AREG: variants seen among roughly 807,000 people sequenced by gnomAD.
The protein encoded by AREG is amphiregulin B.
In AREG, 16 loss-of-function variants were observed where a neutral mutation model predicts 28.0. That is an observed-to-expected ratio of 0.57 (90% confidence interval 0.39 to 0.87). The LOEUF (loss-of-function observed/expected upper bound fraction) is 0.87. AREG is among the 40% of genes least tolerant of loss of function. The pLI is 0.00. For missense variants in AREG, 287 were observed against 309.1 expected, an observed-to-expected ratio of 0.93 and a Z score of 0.53; for synonymous variants, 113 against 113.5, an observed-to-expected ratio of 1.00 and a Z score of 0.02.
chr4:74,452,513 T>C (rs1719395945), intron 4 of AREG, 31 bp from the exon 5 acceptor site: 2 of 1,612,834 alleles, frequency 1.2e-6, no homozygotes, highest in Non-Finnish European at 1.7e-6. Context: ...AATAGAACCT[T>C]GATAACATTA....
chr4:74,448,614 T>C (rs1719329800), intron 2 of AREG: 1 of 167,680 alleles, frequency 6.0e-6, no homozygotes, highest in Non-Finnish European at 1.3e-5. Flanking sequence ...AACAAAAGTT[T>C]CTGTGGATCA....
At position 74,445,162 on chromosome 4, in the gene AREG, GC is replaced by G; in HGVS notation, c.-180del. On this transcript the variant is annotated 5_prime_UTR_variant, in exon 1 of 6. Coordinates refer to ENST00000395748, the MANE Select transcript of AREG (RefSeq NM_001657.4). ...GACGTTCGCACACCTGGGTGCCAGC[GC>G]CCCAGAGGTCCCGGGACAGCCCGAG... is the stretch of plus-strand genomic sequence containing the variant. 7.4e-7 allele frequency: 1 copy of G among 1,346,628 alleles called. No homozygotes were observed. The highest frequency in any genetic ancestry group is 9.9e-7 in the Non-Finnish European group (1 of 1,012,228). The allele number at this position is 1,346,628 out of a possible 1,614,324, so 83.4% of individuals were successfully genotyped here.
chr4:74,452,764 A>G (rs1239671323), intron 5 of AREG, 109 bp downstream of exon 5: 1 of 909,118 alleles, frequency 1.1e-6, no homozygotes. Flanking sequence ...TATATACACT[A>G]TGAACAATGG....
chr4:74,446,410 A>C, intron 1 of AREG, 124 bp from the exon 2 acceptor site: 1 of 1,545,058 alleles, frequency 6.5e-7, no homozygotes, highest in Non-Finnish European at 8.8e-7. Flanking sequence ...ACTCAATCAC[A>C]AACAATAGCA....
chr4:74,452,634 A>G lies in AREG; in HGVS notation c.756A>G (p.Ala252=), dbSNP rs1027533609. The G allele has an allele frequency of 6.2e-7, 1 of 1,613,040 alleles. No individual in the cohort carries two copies. The highest frequency in any genetic ancestry group is 1.3e-5 in the African/African-American group (1 of 74,898). The change falls in exon 5 of 6, where the codon GCA becomes GCG. Residue 252 remains alanine, a synonymous_variant. Coordinates refer to ENST00000395748, the MANE Select transcript of AREG (RefSeq NM_001657.4). ...AGAATGGAAATGTACATGCTATAGC[A>G]TAACTGAAGATAAAATTACAGGTTT... The part of the protein sequence containing the change: ...RQENGNVHAI[A]
Position 74,445,151 on chromosome 4 carries a change from T to A in AREG, c.-195T>A. The A allele has an allele frequency of 3.9e-6, 5 of 1,274,670 alleles. No individual in the cohort carries two copies. The highest frequency in any genetic ancestry group is 5.3e-6 in the Non-Finnish European group (5 of 948,442). 79.0% of individuals were successfully genotyped at this position (1,274,670 alleles called of 1,614,324 possible). On this transcript the variant is annotated 5_prime_UTR_variant, in exon 1 of 6. Coordinates refer to ENST00000395748, the MANE Select transcript of AREG (RefSeq NM_001657.4). ...GCCGCCCTACAGACGTTCGCACACC[T>A]GGGTGCCAGCGCCCCAGAGGTCCCG...
chr4:74,454,421 T>C (rs1719427020), intron 5 of AREG, among the ~76,000 whole-genome samples: 1 of 152,234 alleles, frequency 6.6e-6, no homozygotes, highest in Non-Finnish European at 1.5e-5. Flanking sequence ...TCTTTGATTT[T>C]AATTATGTCC....
At chr4:74,451,028 A>T (rs921070870) in intron 4 of AREG, among the ~76,000 whole-genome samples, 2 of 152,230 alleles carry the variant, frequency 1.3e-5, no homozygotes, top group African/African-American at 4.8e-5. Context: ...CTGAGTTAGG[A>T]ATATTATAAC....
intron 2 of AREG, among the ~76,000 whole-genome samples, chr4:74,448,079 C>A (rs1719320543): frequency 6.6e-6 from 1 of 152,158 alleles, no homozygotes; most frequent in Non-Finnish European, 1.5e-5. Flanking sequence ...AGTTAAATGT[C>A]CATGATGTTA....
At chr4:74,449,336 G>A in intron 3 of AREG, 88 bp downstream of exon 3, 12 of 1,591,452 alleles carry the variant, frequency 7.5e-6, no homozygotes, top group Middle Eastern at 1.7e-4. Flanking sequence ...TTTTTCCAAT[G>A]TATAAACCAA....
chr4:74,452,617 A>C lies in AREG; in HGVS notation c.739A>C (p.Asn247His). ...AAAGAAACTTCGACAAGAGAATGGA[A>C]ATGTACATGCTATAGCATAACTGAA... ...ERKKLRQENG[N>H]VHAIA Residue 247 changes from asparagine to histidine, a missense_variant, in exon 5 of 6, where the codon AAT (asparagine) becomes CAT (histidine). Coordinates refer to ENST00000395748, the MANE Select transcript of AREG (RefSeq NM_001657.4). 1 of 1,613,562 alleles carries C rather than the reference A, an allele frequency of 6.2e-7. No homozygotes were observed. Among genetic ancestry groups the C allele is most frequent in the Non-Finnish European group, 8.5e-7 (1 of 1,179,656 alleles).
Position 74,446,709 on chromosome 4 carries a change from C to T in AREG, c.237C>T (p.Ala79=), listed in dbSNP as rs1426199752. 1.4e-5 allele frequency: 22 copies of T among 1,613,764 alleles called. No homozygotes were observed. Among genetic ancestry groups the T allele is most frequent in the African/African-American group, 5.3e-5 (4 of 74,896 alleles). ...MPSSSEPSSG[A]DYDYSEEYDN... is the part of the protein sequence containing the mutation. Reference sequence around the variant, plus strand: ...CTAGTAGTGAACCGTCCTCGGGAGCCGACTATGACTACTCAGAAGAGTATG... The same window carrying T: ...CTAGTAGTGAACCGTCCTCGGGAGCTGACTATGACTACTCAGAAGAGTATG... The change falls in exon 2 of 6, where the codon GCC becomes GCT. Residue 79 remains alanine, a synonymous_variant. Coordinates refer to ENST00000395748, the MANE Select transcript of AREG (RefSeq NM_001657.4).
chr4:74,447,944 T>G (rs1719319349), intron 2 of AREG, among the ~76,000 whole-genome samples: 1 of 152,250 alleles, frequency 6.6e-6, no homozygotes, highest in African/African-American at 2.4e-5. Flanking sequence ...TTAAACATGT[T>G]TCAAGTTGTT....
intron 2 of AREG, 140 bp from the exon 3 acceptor site, chr4:74,448,903 TCTAA>T: frequency 4.2e-6 from 5 of 1,199,064 alleles, no homozygotes; most frequent in African/African-American, 1.6e-5. Flanking sequence ...TGCAGTCCTC[TCTAA>T]CTTTTATATT....
At chr4:74,452,061 A>G (rs984235300) in intron 4 of AREG, among the ~76,000 whole-genome samples, 7 of 152,206 alleles carry the variant, frequency 4.6e-5, no homozygotes, top group Admixed American at 6.5e-5. Context: ...TTTTTAAATA[A>G]TTGAGTTTTT....
intron 2 of AREG, among the ~76,000 whole-genome samples, 177 bp downstream of exon 2, chr4:74,446,959 C>T (rs1719301593): frequency 6.6e-6 from 1 of 152,084 alleles, no homozygotes; most frequent in Non-Finnish European, 1.5e-5. Flanking sequence ...CCTATATGGC[C>T]AGAGTGATCA....
chr4:74,445,226 A>G lies in AREG; in HGVS notation c.-120A>G. ...CCGCCCCGAGCTCCCCAAGCCTTCG[A>G]GAGCGGCGCACACTCCCGGTCTCCA... On this transcript the variant is annotated 5_prime_UTR_variant, in exon 1 of 6. Transcript: ENST00000395748. 4 of 1,529,204 alleles carry G rather than the reference A, an allele frequency of 2.6e-6. No homozygotes were observed. The South Asian group carries it at 4.9e-5, about 19-fold the overall frequency. 94.7% of individuals were successfully genotyped at this position (1,529,204 alleles called of 1,614,324 possible).
chr4:74,451,711 G>A (rs1322235915), intron 4 of AREG, among the ~76,000 whole-genome samples: 2 of 152,082 alleles, frequency 1.3e-5, no homozygotes, highest in South Asian at 2.1e-4. Flanking sequence ...CAAAACAATC[G>A]CTAGTTAAGG....
intron 3 of AREG, 95 bp from the exon 4 acceptor site, chr4:74,450,285 G>A (rs1719360734): frequency 1.9e-6 from 3 of 1,596,100 alleles, no homozygotes; most frequent in South Asian, 2.2e-5. Context: ...CTTTTTTAAT[G>A]TTGGAATTAA....
Sources: allele counts gnomAD v4.1 joint callset (sites outside exome capture counted in the v4.1 genomes callset), GRCh38; gene constraint gnomAD v4.1.1; transcripts MANE v1.5; gene names NCBI Gene and HGNC (gene_info 2026-07-23, HGNC 2026-07-21).